The following SPATA2 variants were observed in gnomAD, a reference collection of about 807,000 sequenced individuals.
The protein encoded by SPATA2 is spermatogenesis associated 2.
A neutral mutation model predicts 35.4 loss-of-function variants in SPATA2; 8 were observed. The observed-to-expected ratio is 0.23, with a 90% CI of 0.13 to 0.41. The LOEUF is 0.41. Ranked by LOEUF, SPATA2 falls within the 10% of genes least tolerant of loss-of-function variation. The pLI, the probability that SPATA2 is intolerant of heterozygous loss-of-function variation, is 1.00. For missense variants in SPATA2, 650 were observed against 698.7 expected (o/e 0.93, Z 0.79); for synonymous variants, 293 against 300.9 (o/e 0.97, Z 0.27).
At chr20:49,912,383 T>C (rs550592630) in intron 1 of SPATA2, among the ~76,000 whole-genome samples, 59 of 151,616 alleles carry the variant, frequency 3.9e-4, no homozygotes, top group Middle Eastern at 3.4e-3. Flanking sequence ...GAGGGAGAGG[T>C]TGCAGTGAGC....
In SPATA2 at chr20:49,905,272, G is replaced by C. The variant is rs73611743; in HGVS notation, c.*347C>G. The C allele has an allele frequency of 7.8e-6, 2 of 255,858 alleles. No individual in the cohort carries two copies. Among genetic ancestry groups the C allele is most frequent in the East Asian group, 1.6e-4 (2 of 12,328 alleles). 15.8% of individuals were successfully genotyped at this position (255,858 alleles called of 1,614,324 possible). A position where few individuals can be genotyped will look rare whatever the true frequency, so the allele number is the denominator to read the frequency against. On this transcript the variant is annotated 3_prime_UTR_variant, in exon 3 of 3. Transcript: ENST00000289431. ...GCAATGGGAGGGGTAGGTGCAGCGA[G>C]GGTCCCAGAGACAGAAATCCTCTTT...
chr20:49,911,026 G>T (rs549028435), intron 1 of SPATA2, among the ~76,000 whole-genome samples: 2 of 152,266 alleles, frequency 1.3e-5, no homozygotes, highest in Admixed American at 1.3e-4. Flanking sequence ...ACCAGCCTGG[G>T]CAACATAGCA....
chr20:49,913,833 G>A (rs943469916), intron 1 of SPATA2: 1 of 152,140 alleles, frequency 6.6e-6, no homozygotes, highest in African/African-American at 2.4e-5. Flanking sequence ...AATACAAGAT[G>A]CCTTGTAGCT....
rs183875038 is a variant in SPATA2, at chr20:49,906,256, G to A, written c.926C>T (p.Pro309Leu). 23 of 1,569,402 alleles carry A rather than the reference G, an allele frequency of 1.5e-5. No homozygotes were observed. Among genetic ancestry groups the A allele is most frequent in the South Asian group, 1.3e-4 (11 of 82,642 alleles). ...GGGGGAGGCGGGTGGAAGCACATCCGGGCTGCCGTGGGGGGAGCTGGCCAT... is the reference window on the plus strand; with the variant it reads ...GGGGGAGGCGGGTGGAAGCACATCCAGGCTGCCGTGGGGGGAGCTGGCCAT... ...LTMASSPHGS[P>L]DVLPPASPSN... The change falls in exon 3 of 3, where the codon CCG becomes CTG. Residue 309 changes from proline (P) to leucine (L), a missense_variant. Transcript: ENST00000289431. The surrounding 1 kb of genome is among the most constrained non-coding windows in gnomAD (Gnocchi z 8.2).
intron 1 of SPATA2, among the ~76,000 whole-genome samples, chr20:49,911,287 G>A (rs2090180837): frequency 6.6e-6 from 1 of 152,152 alleles, no homozygotes; most frequent in Non-Finnish European, 1.5e-5. Flanking sequence ...CTCGTGGTAA[G>A]CTCCATAAAG....
chr20:49,909,521 C>T (rs977300435), intron 1 of SPATA2, among the ~76,000 whole-genome samples: 1 of 151,438 alleles, frequency 6.6e-6, no homozygotes, highest in Admixed American at 6.6e-5. Flanking sequence ...GCCTGGGAAA[C>T]ACGGTGAAAC....
At chr20:49,909,836 C>A (rs925639895) in intron 1 of SPATA2, among the ~76,000 whole-genome samples, 1 of 152,204 alleles carries the variant, frequency 6.6e-6, no homozygotes, top group African/African-American at 2.4e-5. Context: ...CAAAGAGCCA[C>A]GTGAAGCCAC....
rs1167696069 is a variant in SPATA2 at position 49,908,444 on chromosome 20, A to T, written c.47T>A (p.Phe16Tyr). ...SMDTKFKDDL[F>Y]RKYVQFHESK... ...CTCATGGAACTGCACGTACTTCCGA[A>T]ATAAGTCATCCTTGAATTTAGTATC... is the stretch of plus-strand genomic sequence containing the variant. The change falls in exon 2 of 3, where the codon TTT becomes TAT. Residue 16 changes from phenylalanine (F) to tyrosine (Y), a missense_variant. Phe to Tyr is a conservative substitution (Grantham distance 22, BLOSUM62 3). Transcript: ENST00000289431. 4 of 1,606,408 alleles carry T rather than the reference A, an allele frequency of 2.5e-6. No individual in the cohort carries two copies. The highest frequency in any genetic ancestry group is 3.4e-6 in the Non-Finnish European group (4 of 1,173,426).
intron 1 of SPATA2, among the ~76,000 whole-genome samples, chr20:49,911,429 C>T (rs558230463): frequency 2.0e-5 from 3 of 151,904 alleles, no homozygotes; most frequent in African/African-American, 4.8e-5. Context: ...TTTGGGAGGC[C>T]GAGGCAGGTG....
At chr20:49,912,778 C>T (rs73271193) in intron 1 of SPATA2, among the ~76,000 whole-genome samples, 1,672 of 152,070 alleles carry the variant, frequency 0.011, 41 homozygotes, top group African/African-American at 0.038. Context: ...ATCCAAACAG[C>T]CCAGCTGATG....
In SPATA2 at chr20:49,906,951, G is replaced by A. The variant is rs2090149542; in HGVS notation, c.337-106C>T. ...TCCAGCTCTGAAGTGGGGCGGCGGG[G>A]AGAGGGCAGGGCAGGGAAGGATCTC... is the stretch of plus-strand genomic sequence containing the variant. On this transcript the variant is annotated intron_variant, in intron 2 of 2. Transcript: ENST00000289431. This position sits in a 1 kb window ranked among gnomAD's most constrained non-coding sequence, Gnocchi z 8.2. 3.1e-6 allele frequency: 4 copies of A among 1,277,516 alleles called. No homozygotes were observed. The highest frequency in any genetic ancestry group is 2.5e-5 in the Admixed American group (1 of 39,638). 79.1% of individuals were successfully genotyped at this position (1,277,516 alleles called of 1,614,324 possible). A position where few individuals can be genotyped will look rare whatever the true frequency, so the allele number is the denominator to read the frequency against.
chr20:49,905,367 T>G lies in SPATA2; in HGVS notation c.*252A>C, dbSNP rs866949279. The G allele has an allele frequency of 2.0e-6, 1 of 507,892 alleles. No homozygotes were observed. The highest frequency in any genetic ancestry group is 3.5e-6 in the Non-Finnish European group (1 of 286,290). The allele number at this position is 507,892 out of a possible 1,614,324, so 31.5% of individuals were successfully genotyped here. On this transcript the variant is annotated 3_prime_UTR_variant, in exon 3 of 3. Transcript: ENST00000289431. The stretch of plus-strand genomic sequence containing the variant: ...AAAAAAGAACCAACTGAACAGGGAG[T>G]GGAGAGATTAGCAAAATGAATCTGA...
intron 1 of SPATA2, among the ~76,000 whole-genome samples, chr20:49,911,631 C>T (rs938554153): frequency 6.6e-6 from 1 of 150,942 alleles, no homozygotes; most frequent in Non-Finnish European, 1.5e-5. Flanking sequence ...CGCCCCATTG[C>T]ACTCCAGCCT....
At chr20:49,913,580 G>C (rs776785927) in intron 1 of SPATA2, 2 of 152,230 alleles carry the variant, frequency 1.3e-5, no homozygotes, top group African/African-American at 4.8e-5. Flanking sequence ...CCATCCTGCT[G>C]CATCTGCTGG....
Position 49,905,735 on chromosome 20 carries a change from A to G in SPATA2, c.1447T>C (p.Cys483Arg). 1 of 1,614,234 alleles carries G rather than the reference A, an allele frequency of 6.2e-7. No homozygotes were observed. Among genetic ancestry groups the G allele is most frequent in the Non-Finnish European group, 8.5e-7 (1 of 1,180,048 alleles). ...GGGTCATAATGGTAAGCGCTGAGGC[A>G]GGCGTCACATGAGACTTTTGAACAC... Reference protein sequence around the residue: ...TQCSKVSCDACLSAYHYDPCY... With the variant: ...TQCSKVSCDARLSAYHYDPCY... The change falls in exon 3 of 3, where the codon TGC (cysteine) becomes CGC (arginine). Residue 483 changes from cysteine (C) to arginine (R), a missense_variant. Physicochemically the swap from Cys to Arg is radical, Grantham distance 180. Coordinates refer to ENST00000289431, the MANE Select transcript of SPATA2 (RefSeq NM_006038.4).
At chr20:49,913,013 G>A (rs2090190032) in intron 1 of SPATA2, among the ~76,000 whole-genome samples, 1 of 152,006 alleles carries the variant, frequency 6.6e-6, no homozygotes, top group Admixed American at 6.6e-5. Flanking sequence ...GGAGTCTGAG[G>A]TGGGGGGATC....
chr20:49,913,244 C>A (rs926782369), intron 1 of SPATA2, among the ~76,000 whole-genome samples: 3 of 152,224 alleles, frequency 2.0e-5, no homozygotes. Context: ...CAGGCTCTTC[C>A]CATTAAAACA....
intron 1 of SPATA2, among the ~76,000 whole-genome samples, 167 bp downstream of exon 1, chr20:49,915,213 G>A (rs752194380): frequency 1.3e-5 from 2 of 152,184 alleles, no homozygotes; most frequent in African/African-American, 2.4e-5. Context: ...GGGTCCTGAG[G>A]ATAGGCTGGG....
chr20:49,903,908 T>TAG lies in SPATA2; in HGVS notation c.*1710_*1711insCT, dbSNP rs2090123041. The stretch of plus-strand genomic sequence containing the variant: ...ACATGTGATCTACCAGATAGATATA[T>TAG]ATATATATATATATATATATATATA... On this transcript the variant is annotated 3_prime_UTR_variant, in exon 3 of 3. Coordinates refer to ENST00000289431, the MANE Select transcript of SPATA2 (RefSeq NM_006038.4). 1.6e-4 allele frequency: 3 copies of TAG among 18,220 alleles called. No homozygotes were observed. In the Admixed American group the frequency reaches 2.0e-3, roughly 12 times the overall value. The allele number at this position is 18,220 out of a possible 1,614,324, so 1.1% of individuals were successfully genotyped here. A position where few individuals can be genotyped will look rare whatever the true frequency, so the allele number is the denominator to read the frequency against.
Sources: allele counts gnomAD v4.1 joint callset (sites outside exome capture counted in the v4.1 genomes callset), GRCh38; gene constraint gnomAD v4.1.1; non-coding constraint Gnocchi (gnomAD v3.1); transcripts MANE v1.5; gene names NCBI Gene and HGNC (gene_info 2026-07-23, HGNC 2026-07-21).